TNR: variants seen among roughly 807,000 people sequenced by gnomAD.
TNR encodes tenascin R, also known as tenascin-R.
In TNR, 45 loss-of-function variants were observed where a neutral mutation model predicts 150.4. The ratio of observed to expected loss-of-function variants is 0.30; its 90% CI spans 0.24 to 0.38. The LOEUF is 0.38. Ranked by LOEUF, TNR falls within the 10% of genes least tolerant of loss-of-function variation. The probability of loss-of-function intolerance (pLI) is 1.00; values close to 1 mark genes in which losing one functional copy is unlikely to be tolerated. For missense variants in TNR, 1,544 were observed against 1,759.1 expected (o/e 0.88, Z 2.19); for synonymous variants, 687 against 678.4 (o/e 1.01, Z -0.20).
At chr1:175,426,851 A>G (rs1654998544) in intron 2 of TNR, among the ~76,000 whole-genome samples, 1 of 73,206 alleles carries the variant, frequency 1.4e-5, no homozygotes, top group South Asian at 3.7e-4. Context: ...TATATAAAAT[A>G]TAAATATATA....
chr1:175,638,806 C>T (rs890379665), intron 1 of TNR, among the ~76,000 whole-genome samples: 14 of 152,122 alleles, frequency 9.2e-5, no homozygotes, highest in Non-Finnish European at 1.3e-4. Context: ...CTAAACAATC[C>T]GTCCTTGTTG....
intron 1 of TNR, among the ~76,000 whole-genome samples, chr1:175,650,213 T>A (rs1664918639): frequency 6.6e-6 from 1 of 151,916 alleles, no homozygotes; most frequent in Non-Finnish European, 1.5e-5. Context: ...GAAACTCCCA[T>A]CTCTACTAAA....
chr1:175,696,827 C>T (rs532367406), intron 1 of TNR, among the ~76,000 whole-genome samples: 6 of 146,482 alleles, frequency 4.1e-5, no homozygotes, highest in Non-Finnish European at 7.4e-5. Context: ...TACAGTGGGC[C>T]GAGATCGTGC....
At chr1:175,518,118 T>C (rs971185655) in intron 2 of TNR, among the ~76,000 whole-genome samples, 27 of 152,238 alleles carry the variant, frequency 1.8e-4, no homozygotes, top group African/African-American at 6.5e-4. Flanking sequence ...TTCCCAGATA[T>C]TACATTGAAA....
At chr1:175,702,543 T>C (rs1312391168) in intron 1 of TNR, among the ~76,000 whole-genome samples, 1 of 152,234 alleles carries the variant, frequency 6.6e-6, no homozygotes, top group Non-Finnish European at 1.5e-5. Context: ...GTTGGCAATG[T>C]CTGGTTATCC....
At chr1:175,627,175 T>A (rs1450652423) in intron 1 of TNR, among the ~76,000 whole-genome samples, 1 of 152,238 alleles carries the variant, frequency 6.6e-6, no homozygotes, top group African/African-American at 2.4e-5. Context: ...TGCTGCCTCT[T>A]GGGCATATAA....
intron 1 of TNR, among the ~76,000 whole-genome samples, chr1:175,644,431 A>T (rs569774838): frequency 1.6e-4 from 24 of 152,342 alleles, no homozygotes; most frequent in African/African-American, 5.8e-4. Flanking sequence ...ACGTGGTGGT[A>T]TTGGAAGTTG....
intron 1 of TNR, among the ~76,000 whole-genome samples, chr1:175,636,479 C>G (rs1242423626): frequency 1.3e-5 from 2 of 152,098 alleles, no homozygotes; most frequent in Non-Finnish European, 2.9e-5. Context: ...ATCCATGCCC[C>G]AGGTCCCAGG....
At chr1:175,691,470 GA>G (rs1297723351) in intron 1 of TNR, among the ~76,000 whole-genome samples, 7 of 152,138 alleles carry the variant, frequency 4.6e-5, no homozygotes, top group African/African-American at 1.7e-4. Context: ...AATTCTAGAT[GA>G]GACAACTGAG....
At chr1:175,609,345 C>T (rs1663521448) in intron 1 of TNR, among the ~76,000 whole-genome samples, 1 of 152,066 alleles carries the variant, frequency 6.6e-6, no homozygotes, top group African/African-American at 2.4e-5. Context: ...GGGGTAAGAG[C>T]ATGGGAGCAG....
chr1:175,386,545 G>A (rs891114131), intron 7 of TNR, among the ~76,000 whole-genome samples: 1 of 152,170 alleles, frequency 6.6e-6, no homozygotes, highest in Non-Finnish European at 1.5e-5. Flanking sequence ...TAGTTTCCAG[G>A]TGATGGCACT....
intron 4 of TNR, among the ~76,000 whole-genome samples, chr1:175,399,023 AT>A (rs1258804594): frequency 6.6e-6 from 1 of 152,160 alleles, no homozygotes; most frequent in Non-Finnish European, 1.5e-5. Context: ...TTCCCCTACA[AT>A]TTAGACAGCA....
chr1:175,628,289 T>A (rs193078446), intron 1 of TNR, among the ~76,000 whole-genome samples: 24 of 152,218 alleles, frequency 1.6e-4, no homozygotes, highest in Admixed American at 1.2e-3. Flanking sequence ...CTCCTACAGG[T>A]TCCTAGAGCC....
intron 8 of TNR, among the ~76,000 whole-genome samples, chr1:175,380,576 G>GA (rs796892998): frequency 2.9e-3 from 373 of 128,686 alleles, no homozygotes; most frequent in Non-Finnish European, 3.4e-3. Context: ...GTCTCCAAAG[G>GA]AAAAAAAAAA....
chr1:175,477,321 G>T (rs964328772), intron 2 of TNR, among the ~76,000 whole-genome samples: 1 of 152,132 alleles, frequency 6.6e-6, no homozygotes, highest in East Asian at 1.9e-4. Context: ...AGGAACCTGC[G>T]TAGAATATTT....
intron 2 of TNR, among the ~76,000 whole-genome samples, chr1:175,454,762 A>G (rs1656490810): frequency 6.6e-6 from 1 of 152,046 alleles, no homozygotes; most frequent in Non-Finnish European, 1.5e-5. Context: ...GTGAGCCACC[A>G]TGCCGGTCTG....
intron 2 of TNR, among the ~76,000 whole-genome samples, chr1:175,500,327 C>T (rs1159739877): frequency 2.0e-5 from 3 of 152,168 alleles, no homozygotes; most frequent in East Asian, 3.8e-4. Context: ...GTCACGTTCT[C>T]CTCAGTTTCC....
intron 1 of TNR, among the ~76,000 whole-genome samples, chr1:175,586,957 C>T (rs1224116975): frequency 6.6e-6 from 1 of 152,242 alleles, no homozygotes; most frequent in Non-Finnish European, 1.5e-5. Flanking sequence ...ACATCAGCAA[C>T]AGCCCATCAG....
At chr1:175,459,752 C>T (rs1429961831) in intron 2 of TNR, among the ~76,000 whole-genome samples, 2 of 152,162 alleles carry the variant, frequency 1.3e-5, no homozygotes, top group Admixed American at 6.5e-5. Context: ...AAGCAGCCCA[C>T]TCCCTTCAGG....
Sources: allele counts gnomAD v4.1 joint callset (sites outside exome capture counted in the v4.1 genomes callset), GRCh38; gene constraint gnomAD v4.1.1; transcripts MANE v1.5; gene names NCBI Gene and HGNC (gene_info 2026-07-23, HGNC 2026-07-21).